IDE: variants seen among roughly 807,000 people sequenced by gnomAD.
The protein encoded by IDE is insulin degrading enzyme, also known as insulin-degrading enzyme.
Under a neutral mutation model 133.2 loss-of-function variants are expected in IDE, and 58 were observed. The ratio of observed to expected loss-of-function variants is 0.44; its 90% confidence interval spans 0.35 to 0.54. IDE has a LOEUF of 0.54. Ranked by LOEUF, IDE falls within the 20% of genes least tolerant of loss-of-function variation. The pLI is 0.00. For synonymous variants in IDE, 396 were observed against 421.3 expected (o/e 0.94, Z 0.73); for missense variants, 981 against 1,234.0 (o/e 0.79, Z 3.07).
intron 16 of IDE, among the ~76,000 whole-genome samples, chr10:92,475,533 A>T (rs1056870478): frequency 3.3e-5 from 5 of 152,134 alleles, no homozygotes; most frequent in African/African-American, 1.2e-4. Flanking sequence ...GGTAAAGCAG[A>T]CCTCAGTCTG....
chr10:92,529,740 C>T (rs947710732), intron 4 of IDE, among the ~76,000 whole-genome samples: 1 of 151,956 alleles, frequency 6.6e-6, no homozygotes, highest in African/African-American at 2.4e-5. Flanking sequence ...TTGTTTGTGA[C>T]CAGAAGTAAC....
chr10:92,522,417 G>C (rs1249664509), intron 4 of IDE, among the ~76,000 whole-genome samples: 7 of 152,150 alleles, frequency 4.6e-5, no homozygotes, highest in East Asian at 1.9e-4. Flanking sequence ...AGACTGACTT[G>C]ATAATTGAAT....
rs539131694 is a variant in IDE at position 92,531,875 on chromosome 10, G to A, written c.534C>T (p.Cys178=). The change falls in exon 4 of 25, where the codon TGC becomes TGT. Residue 178 remains cysteine, a synonymous_variant. Transcript: ENST00000265986. ...FFLCPLFDES[C]KDREVNAVDS... is the part of the protein sequence containing the mutation. ...CAACTGCATTCACCTCTCTGTCTTT[G>A]CAACTTTCATCGAACAAGGGGCACA... 6.4e-7 allele frequency: 1 copy of A among 1,573,206 alleles called. No homozygotes were observed. Among genetic ancestry groups the A allele is most frequent in the Admixed American group, 1.7e-5 (1 of 57,838 alleles).
intron 11 of IDE, among the ~76,000 whole-genome samples, chr10:92,495,405 G>A (rs1024860865): frequency 2.6e-5 from 4 of 152,084 alleles, no homozygotes; most frequent in African/African-American, 4.8e-5. Flanking sequence ...ATTTTTAGTA[G>A]AGACAGGGTT....
chr10:92,536,202 G>A (rs1228253927), intron 2 of IDE, among the ~76,000 whole-genome samples: 1 of 151,608 alleles, frequency 6.6e-6, no homozygotes, highest in African/African-American at 2.4e-5. Flanking sequence ...GGCCAACGTG[G>A]TGAAACCTCA....
Position 92,516,241 on chromosome 10 carries a change from C to T in IDE, c.662-1199G>A, listed in dbSNP as rs543804909. Among the ~76,000 whole-genome samples the T allele has an allele frequency of 7.9e-5, 12 of 151,990 alleles. No homozygotes were observed. In the East Asian group the frequency reaches 2.3e-3, roughly 30 times the overall value. The stretch of plus-strand genomic sequence containing the variant: ...GGGCTCAGTGGCTCACATCTGTAAT[C>T]CCAGCACTTTGGGAGGCCAAGATGG... On this transcript the variant is annotated intron_variant, in intron 4 of 24. Coordinates refer to ENST00000265986, the MANE Select transcript of IDE (RefSeq NM_004969.4).
At chr10:92,573,897 G>A (rs1843926131) in intron 1 of IDE, 25 bp downstream of exon 1, 10 of 1,429,258 alleles carry the variant, frequency 7.0e-6, no homozygotes, top group Non-Finnish European at 9.2e-6. Context: ...GGGGCCCGAG[G>A]GCCCGGGCGC....
intron 16 of IDE, among the ~76,000 whole-genome samples, chr10:92,475,534 C>T (rs543243842): frequency 6.6e-6 from 1 of 152,210 alleles, no homozygotes; most frequent in Admixed American, 6.5e-5. Context: ...GTAAAGCAGA[C>T]CTCAGTCTGC....
chr10:92,464,098 C>T, intron 20 of IDE, 95 bp from the exon 21 acceptor site: 1 of 1,310,022 alleles, frequency 7.6e-7, no homozygotes. Flanking sequence ...CAAATAAAAT[C>T]TAGTTTAAGG....
chr10:92,465,485 T>C (rs1255485172), intron 20 of IDE, among the ~76,000 whole-genome samples, 191 bp downstream of exon 20: 1 of 152,220 alleles, frequency 6.6e-6, no homozygotes, highest in Non-Finnish European at 1.5e-5. Context: ...CATAAATAAT[T>C]GCTTTAATGT....
intron 1 of IDE, among the ~76,000 whole-genome samples, chr10:92,564,341 G>A (rs1843418606): frequency 6.6e-6 from 1 of 152,046 alleles, no homozygotes; most frequent in Non-Finnish European, 1.5e-5. Flanking sequence ...GAGAAAATAT[G>A]GAACCAATAG....
chr10:92,478,098 A>G (rs1353539233), intron 15 of IDE, among the ~76,000 whole-genome samples: 1 of 152,254 alleles, frequency 6.6e-6, no homozygotes, highest in Non-Finnish European at 1.5e-5. Context: ...GAATTGAGAT[A>G]TAAGCAAGCT....
At chr10:92,555,110 A>G (rs1842948436) in intron 1 of IDE, among the ~76,000 whole-genome samples, 1 of 152,218 alleles carries the variant, frequency 6.6e-6, no homozygotes. Context: ...CCTTTCCTCT[A>G]TAATCAGGAA....
At chr10:92,508,585 G>T in intron 7 of IDE, 143 bp downstream of exon 7, 1 of 596,658 alleles carries the variant, frequency 1.7e-6, no homozygotes, top group Non-Finnish European at 2.8e-6. Flanking sequence ...AGGCAACAGC[G>T]TGCCAACAAC....
chr10:92,468,814 C>G (rs1845818587), intron 19 of IDE, 65 bp downstream of exon 19: 1 of 800,894 alleles, frequency 1.2e-6, no homozygotes. Context: ...ATTCAGCCCA[C>G]CTGTAATCAC....
At chr10:92,456,338 A>C in intron 23 of IDE, 21 bp downstream of exon 23, 1 of 1,585,760 alleles carries the variant, frequency 6.3e-7, no homozygotes. Flanking sequence ...TGAGCCTAAA[A>C]AGGCAACATT....
chr10:92,463,642 CA>C, intron 21 of IDE, 88 bp downstream of exon 21: 2 of 1,203,974 alleles, frequency 1.7e-6, no homozygotes, highest in South Asian at 2.8e-5. Context: ...AACGGAATAT[CA>C]CCTACAAAAT....
chr10:92,494,181 T>A (rs1028588963), intron 11 of IDE, among the ~76,000 whole-genome samples: 3 of 151,542 alleles, frequency 2.0e-5, no homozygotes, highest in Non-Finnish European at 4.4e-5. Flanking sequence ...CCTGCCTCAG[T>A]CTCTCAAGTA....
rs1844766015 is a variant in IDE, at chr10:92,451,937, AG to A, written c.*2506del. ...TTTTTATTTTCATCCCTGTAAGGGCAGGAACAAATCTTTCTGGGTTTGGAGT... is the reference window on the plus strand; with the variant it reads ...TTTTTATTTTCATCCCTGTAAGGGCAGAACAAATCTTTCTGGGTTTGGAGT... On this transcript the variant is annotated 3_prime_UTR_variant, in exon 25 of 25. Coordinates refer to ENST00000265986, the MANE Select transcript of IDE (RefSeq NM_004969.4). 6.6e-6 allele frequency: 1 copy of A among 152,224 alleles called. No homozygotes were observed. The highest frequency in any genetic ancestry group is 2.1e-4 in the South Asian group (1 of 4,824). 9.4% of individuals were successfully genotyped at this position (152,224 alleles called of 1,614,324 possible).
Sources: gnomAD v4.1 joint callset for allele counts (sites outside exome capture counted in the v4.1 genomes callset) on GRCh38, gnomAD v4.1.1 for gene constraint, MANE v1.5 for transcripts, NCBI Gene and HGNC (gene_info 2026-07-23, HGNC 2026-07-21) for gene names.